The following RFX7 variants were observed in gnomAD, a reference collection of about 807,000 sequenced individuals.
The protein encoded by RFX7 is regulatory factor X7.
Under a neutral mutation model 111.8 loss-of-function variants are expected in RFX7, and 26 were observed. The ratio of observed to expected loss-of-function variants is 0.23; its 90% confidence interval spans 0.17 to 0.32. The LOEUF is 0.32. Ranked by LOEUF, RFX7 falls within the 10% of genes least tolerant of loss-of-function variation. The pLI is 1.00. For synonymous variants in RFX7, 624 were observed against 624.4 expected (o/e 1.00, Z 0.01); for missense variants, 1,573 against 1,772.9 (o/e 0.89, Z 2.02).
At chr15:56,196,106 A>ATTCATATAT (rs2043143867) in intron 2 of RFX7, among the ~76,000 whole-genome samples, 1 of 152,170 alleles carries the variant, frequency 6.6e-6, no homozygotes, top group Non-Finnish European at 1.5e-5. Flanking sequence ...ACATTATTTC[A>ATTCATATAT]TTCATATATT....
chr15:56,141,383 A>G (rs895806806), intron 5 of RFX7, among the ~76,000 whole-genome samples: 11 of 151,744 alleles, frequency 7.2e-5, no homozygotes, highest in Admixed American at 2.0e-4. Context: ...CAAACAAACA[A>G]ACAAACAAAA....
At chr15:56,190,636 C>T (rs1459027605) in intron 2 of RFX7, among the ~76,000 whole-genome samples, 1 of 152,150 alleles carries the variant, frequency 6.6e-6, no homozygotes, top group East Asian at 1.9e-4. Flanking sequence ...CTAACGGTAT[C>T]AGTATTCCTG....
At chr15:56,138,187 A>G (rs199548452) in intron 5 of RFX7, among the ~76,000 whole-genome samples, 56,106 of 106,112 alleles carry the variant, frequency 0.53, 14,816 homozygotes, top group East Asian at 0.77. Context: ...TTTCTGTCTC[A>G]TTGATCTGTC....
At chr15:56,145,362 T>C (rs79921029) in intron 3 of RFX7, among the ~76,000 whole-genome samples, 1,926 of 152,290 alleles carry the variant, frequency 0.013, 17 homozygotes, top group Non-Finnish European at 0.021. Flanking sequence ...AAAGCACAGT[T>C]TAAACAGAGA....
chr15:56,232,294 C>G (rs1409858933), intron 2 of RFX7, among the ~76,000 whole-genome samples: 1 of 152,208 alleles, frequency 6.6e-6, no homozygotes, highest in African/African-American at 2.4e-5. Flanking sequence ...GGACATCCAG[C>G]TGTTTCCATA....
intron 2 of RFX7, among the ~76,000 whole-genome samples, chr15:56,227,688 G>C (rs891866902): frequency 1.3e-5 from 2 of 151,924 alleles, no homozygotes; most frequent in Non-Finnish European, 2.9e-5. Context: ...TATTCATTTC[G>C]CTTATCCATG....
rs2041655253 is a variant in RFX7, at chr15:56,095,152, G to C, written c.2576C>G (p.Ser859Cys). 6.2e-7 allele frequency: 1 copy of C among 1,613,934 alleles called. No homozygotes were observed. The highest frequency in any genetic ancestry group is 1.3e-5 in the African/African-American group (1 of 75,040). The stretch of plus-strand genomic sequence containing the variant: ...AGAAGGCTCAAACTCCTTCAGTTCA[G>C]ATTGCAGAGGTAACTGATCTGAAGA... ...AHSSDQLPLQ[S>C]ELKEFEPSVS... Residue 859 changes from serine (S) to cysteine (C), a missense_variant, in exon 10 of 10, where the codon TCT becomes TGT. By Grantham distance (112) the Ser-to-Cys change is moderately radical (BLOSUM62 -1). This residue lies in a region of RFX7 where 625 missense variants were observed against 632.2 expected (regional missense o/e 0.99). Coordinates refer to ENST00000559447, the MANE Select transcript of RFX7 (RefSeq NM_022841.7).
At chr15:56,145,935 G>A (rs750301854) in intron 3 of RFX7, among the ~76,000 whole-genome samples, 7 of 152,280 alleles carry the variant, frequency 4.6e-5, no homozygotes, top group Admixed American at 6.5e-5. Context: ...ATCATACAAA[G>A]AGTGAACAAT....
chr15:56,113,375 C>A (rs2041964148), intron 5 of RFX7, among the ~76,000 whole-genome samples: 1 of 152,198 alleles, frequency 6.6e-6, no homozygotes, highest in Non-Finnish European at 1.5e-5. Context: ...TGGAAGCCAT[C>A]ATCCTCAGCA....
chr15:56,154,263 C>A lies in RFX7; in HGVS notation c.196-9780G>T, dbSNP rs553986078. Among the ~76,000 whole-genome samples, 3 of 152,248 alleles carry A rather than the reference C, an allele frequency of 2.0e-5. 1 individual carries two copies. The South Asian group carries it at 6.2e-4, about 32-fold the overall frequency. ...ATCAAGCTACCACTGACTTTCTTCA[C>A]AGAATTGGAAAAAACTACTTTAAAC... On this transcript the variant is annotated intron_variant, in intron 3 of 9. Coordinates refer to ENST00000559447, the MANE Select transcript of RFX7 (RefSeq NM_022841.7).
At chr15:56,186,741 T>C (rs1287095079) in intron 2 of RFX7, among the ~76,000 whole-genome samples, 2 of 152,130 alleles carry the variant, frequency 1.3e-5, no homozygotes, top group Admixed American at 1.3e-4. Context: ...ACCATAGTTT[T>C]ATACCAGTGT....
At chr15:56,133,510 T>C (rs1274946601) in intron 5 of RFX7, among the ~76,000 whole-genome samples, 2 of 152,220 alleles carry the variant, frequency 1.3e-5, no homozygotes, top group African/African-American at 2.4e-5. Flanking sequence ...TCATTGAGTA[T>C]TGAGAACACA....
At chr15:56,176,005 G>A (rs1279150715) in intron 3 of RFX7, among the ~76,000 whole-genome samples, 2 of 152,130 alleles carry the variant, frequency 1.3e-5, no homozygotes, top group African/African-American at 4.8e-5. Context: ...TATGGCTGCT[G>A]CCATGACCTA....
At position 56,089,266 on chromosome 15, in the gene RFX7, A is replaced by G. The variant is rs1362336961; in HGVS notation, c.*4079T>C. 2.0e-5 allele frequency: 3 copies of G among 152,504 alleles called. No individual in the cohort carries two copies. Among genetic ancestry groups the G allele is most frequent in the Admixed American group, 1.3e-4 (2 of 15,258 alleles). 9.4% of individuals were successfully genotyped at this position (152,504 alleles called of 1,614,324 possible). ...TAAAAGGCTAAGAACTGCTCTTACT[A>G]TCCTGCTTGGGATGTTATGAGGGTA... On this transcript the variant is annotated 3_prime_UTR_variant, in exon 10 of 10. Transcript: ENST00000559447.
At chr15:56,121,310 C>G (rs1209479803) in intron 5 of RFX7, among the ~76,000 whole-genome samples, 1 of 152,290 alleles carries the variant, frequency 6.6e-6, no homozygotes, top group East Asian at 1.9e-4. Flanking sequence ...TCATGTCACT[C>G]TCTCCTGGCT....
chr15:56,162,388 AATTC>A (rs2042730522), intron 3 of RFX7, among the ~76,000 whole-genome samples: 1 of 152,120 alleles, frequency 6.6e-6, no homozygotes, highest in Non-Finnish European at 1.5e-5. Flanking sequence ...ATACTGTAAG[AATTC>A]ATTTGTTTCC....
At chr15:56,138,097 T>G (rs1238243496) in intron 5 of RFX7, among the ~76,000 whole-genome samples, 15 of 142,126 alleles carry the variant, frequency 1.1e-4, no homozygotes, top group Non-Finnish European at 4.6e-5. Flanking sequence ...TTCTGTTGAT[T>G]TGGGGTGGAG....
intron 2 of RFX7, chr15:56,192,317 G>T: frequency 4.7e-6 from 1 of 213,470 alleles, no homozygotes. Context: ...CGCTCACAGG[G>T]ATTCTTCTCA....
rs571491363 is a variant in RFX7 at position 56,202,049 on chromosome 15, A to G, written c.162-22746T>C. On this transcript the variant is annotated intron_variant, in intron 2 of 9. Transcript: ENST00000559447. ...CTGTCTCAAAAAACAAAACAAAACA[A>G]AACAAAACAAAAACCACACAGCCAC... is the stretch of plus-strand genomic sequence containing the variant. Among the ~76,000 whole-genome samples the G allele has an allele frequency of 2.0e-5, 3 of 152,128 alleles. No homozygotes were observed. The East Asian group carries it at 5.8e-4, about 29-fold the overall frequency.
Sources: gnomAD v4.1 joint callset for allele counts (sites outside exome capture counted in the v4.1 genomes callset) on GRCh38, gnomAD v4.1.1 for gene constraint, gnomAD v4.1.1 regional missense constraint, MANE v1.5 for transcripts, NCBI Gene and HGNC (gene_info 2026-07-23, HGNC 2026-07-21) for gene names.